The following FAM120A variants were observed in gnomAD, a reference collection of about 807,000 sequenced individuals.
FAM120A encodes family with sequence similarity 120 member A.
FAM120A carries 15 observed loss-of-function variants against 109.7 expected under a neutral mutation model. The ratio of observed to expected loss-of-function variants is 0.14; its 90% CI spans 0.09 to 0.21. The LOEUF (loss-of-function observed/expected upper bound fraction) is 0.21. Among genes scored for constraint, FAM120A ranks in the 10% least tolerant of loss-of-function variants. FAM120A has a pLI of 1.00. For synonymous variants in FAM120A, 493 were observed against 572.8 expected (o/e 0.86, Z 1.99); for missense variants, 899 against 1,439.3 (o/e 0.62, Z 6.07).
chr9:93,452,952 A>AC lies in FAM120A; in HGVS notation c.474+564dup. The AC allele has an allele frequency of 6.5e-6, 9 of 1,387,200 alleles. No individual in the cohort carries two copies. The highest frequency in any genetic ancestry group is 8.4e-6 in the Non-Finnish European group (9 of 1,075,582). The allele number at this position is 1,387,200 out of a possible 1,614,324, so 85.9% of individuals were successfully genotyped here. A position where few individuals can be genotyped will look rare whatever the true frequency, so the allele number is the denominator to read the frequency against. On this transcript the variant is annotated intron_variant, in intron 1 of 17. Coordinates refer to ENST00000277165, the MANE Select transcript of FAM120A (RefSeq NM_014612.5). The surrounding 1 kb of genome is among the most constrained non-coding windows in gnomAD (Gnocchi z 7.0). Reference sequence around the variant, plus strand: ...TCTAAGGGCCAGTGCCCTGGCCTCTACTTCAGAACGCAGTGCCCTGTCCGT... The same window carrying AC: ...TCTAAGGGCCAGTGCCCTGGCCTCTACCTTCAGAACGCAGTGCCCTGTCCGT...
At chr9:93,555,681 G>A (rs1313329155) in intron 12 of FAM120A, among the ~76,000 whole-genome samples, 4 of 152,214 alleles carry the variant, frequency 2.6e-5, no homozygotes, top group African/African-American at 4.8e-5. Flanking sequence ...TCTACGTATA[G>A]AAGGTAGGCA....
At chr9:93,561,646 C>T (rs149970805) in intron 16 of FAM120A, among the ~76,000 whole-genome samples, 2,229 of 152,244 alleles carry the variant, frequency 0.015, 68 homozygotes, top group African/African-American at 0.05. Context: ...CCACCCACCT[C>T]GGCCTTGCAA....
chr9:93,562,342 C>T, intron 17 of FAM120A, 38 bp downstream of exon 17: 8 of 1,500,532 alleles, frequency 5.3e-6, no homozygotes, highest in Non-Finnish European at 7.4e-6. Flanking sequence ...AGTTCAATGC[C>T]CTCAGGGATG....
chr9:93,559,536 G>A (rs1036015794), intron 15 of FAM120A, among the ~76,000 whole-genome samples: 4 of 152,238 alleles, frequency 2.6e-5, no homozygotes, highest in African/African-American at 9.6e-5. Context: ...ATTTGGCGAC[G>A]GGTCAGCCCC....
chr9:93,517,052 G>A (rs2183760), intron 7 of FAM120A, among the ~76,000 whole-genome samples: 42,433 of 152,042 alleles, frequency 0.28, 6,994 homozygotes, highest in East Asian at 0.42. Context: ...AGAGACATAG[G>A]TGTCAGCTTC....
At chr9:93,512,542 T>G (rs1262961770) in intron 5 of FAM120A, among the ~76,000 whole-genome samples, 2 of 152,128 alleles carry the variant, frequency 1.3e-5, no homozygotes, top group African/African-American at 4.8e-5. Context: ...GCATATTTTT[T>G]TTTTTACCGA....
chr9:93,453,582 A>T, intron 1 of FAM120A: 1 of 985,432 alleles, frequency 1.0e-6, no homozygotes, highest in South Asian at 4.7e-5. Flanking sequence ...AGTTAAGCCT[A>T]AAATGATAGC....
At chr9:93,546,741 G>A (rs939047336) in intron 11 of FAM120A, among the ~76,000 whole-genome samples, 3 of 152,224 alleles carry the variant, frequency 2.0e-5, no homozygotes, top group South Asian at 2.1e-4. Context: ...AAATGAATGG[G>A]CACGGCCATG....
intron 10 of FAM120A, among the ~76,000 whole-genome samples, chr9:93,536,341 C>T (rs978681253): frequency 5.3e-5 from 8 of 152,242 alleles, no homozygotes; most frequent in Admixed American, 4.6e-4. Context: ...CAACCCAGCC[C>T]TCTGCATATG....
intron 3 of FAM120A, among the ~76,000 whole-genome samples, chr9:93,479,945 TG>T (rs1281713709): frequency 9.2e-5 from 14 of 152,190 alleles, no homozygotes; most frequent in African/African-American, 3.4e-4. Flanking sequence ...GGAGAACAAC[TG>T]TTAAATCATT....
In FAM120A at chr9:93,532,557, A is replaced by G; in HGVS notation, c.1909+228A>G. 1 of 539,928 alleles carries G rather than the reference A, an allele frequency of 1.9e-6. No individual in the cohort carries two copies. Among genetic ancestry groups the G allele is most frequent in the Non-Finnish European group, 3.3e-6 (1 of 301,112 alleles). 33.4% of individuals were successfully genotyped at this position (539,928 alleles called of 1,614,324 possible). ...TTCCAATAATGATGTTTATTCAGTA[A>G]AATAATAAAACAGGTTTACACTTTA... is the stretch of plus-strand genomic sequence containing the variant. On this transcript the variant is annotated intron_variant, in intron 10 of 17. Coordinates refer to ENST00000277165, the MANE Select transcript of FAM120A (RefSeq NM_014612.5). This position sits in a 1 kb window ranked among gnomAD's most constrained non-coding sequence, Gnocchi z 4.3.
chr9:93,500,538 T>C lies in FAM120A; in HGVS notation c.1030+1652T>C, dbSNP rs1449883235. Among the ~76,000 whole-genome samples, 1 of 152,254 alleles carries C rather than the reference T, an allele frequency of 6.6e-6. No homozygotes were observed. The highest frequency in any genetic ancestry group is 2.4e-5 in the African/African-American group (1 of 41,474). ...CCCCTTCCCCCGTCACTCCCCACAATGTAAAGTCTAGGGTAATGAGGGCCT... is the reference window on the plus strand; with the variant it reads ...CCCCTTCCCCCGTCACTCCCCACAACGTAAAGTCTAGGGTAATGAGGGCCT... On this transcript the variant is annotated intron_variant, in intron 5 of 17. Transcript: ENST00000277165. This position sits in a 1 kb window ranked among gnomAD's most constrained non-coding sequence, Gnocchi z 4.6.
rs1216875727 is a variant in FAM120A at position 93,476,328 on chromosome 9, C to T, written c.794C>T (p.Ala265Val). The T allele has an allele frequency of 1.3e-6, 2 of 1,597,426 alleles. No homozygotes were observed. Residue 265 changes from alanine to valine, a missense_variant, in exon 3 of 18, where the codon GCC (alanine) becomes GTC (valine). Coordinates refer to ENST00000277165, the MANE Select transcript of FAM120A (RefSeq NM_014612.5). ...TTACTTGGTCCAGAACATCCACTAG[C>T]CTCACTAAAGGTACAAATTTCACTT... ...WSLLGPEHPL[A>V]SLKVRAHQLV...
rs1429119970 is a variant in FAM120A, at chr9:93,543,489, G to A, written c.2159+18G>A. On this transcript the variant is annotated intron_variant, in intron 11 of 17. Coordinates refer to ENST00000277165, the MANE Select transcript of FAM120A (RefSeq NM_014612.5). ...GTCTTACGGTGGGTGCCATGCATGG[G>A]AGCTGGGACCTGGGTCCCCGCCAGG... The A allele has an allele frequency of 6.2e-6, 10 of 1,608,464 alleles. No individual in the cohort carries two copies. Among genetic ancestry groups the A allele is most frequent in the Middle Eastern group, 1.7e-4 (1 of 6,032 alleles).
intron 12 of FAM120A, among the ~76,000 whole-genome samples, chr9:93,554,301 C>T (rs888296072): frequency 1.4e-4 from 21 of 152,046 alleles, no homozygotes; most frequent in Admixed American, 5.2e-4. Flanking sequence ...AGCCGTTTGC[C>T]GGGTAAATGG....
intron 10 of FAM120A, among the ~76,000 whole-genome samples, chr9:93,542,246 A>C (rs544709683): frequency 1.3e-5 from 2 of 152,322 alleles, no homozygotes; most frequent in East Asian, 1.9e-4. Context: ...GCAAGGGACA[A>C]CACCAGGCCC....
chr9:93,470,237 G>A lies in FAM120A; in HGVS notation c.475-904G>A, dbSNP rs180685497. Among the ~76,000 whole-genome samples, 8 of 152,320 alleles carry A rather than the reference G, an allele frequency of 5.3e-5. No homozygotes were observed. In the East Asian group the frequency reaches 1.5e-3, roughly 29 times the overall value. The stretch of plus-strand genomic sequence containing the variant: ...TATCCATTGTAGAAACGAAAAACCT[G>A]CCAGAATTTTAGTTGGATTAATGAG... On this transcript the variant is annotated intron_variant, in intron 1 of 17. Coordinates refer to ENST00000277165, the MANE Select transcript of FAM120A (RefSeq NM_014612.5).
rs117842276 is a variant in FAM120A at position 93,481,607 on chromosome 9, G to C, written c.804+5269G>C. On this transcript the variant is annotated intron_variant, in intron 3 of 17. Coordinates refer to ENST00000277165, the MANE Select transcript of FAM120A (RefSeq NM_014612.5). ...GTTTCCATCCATGCCAGTTGTTTGT[G>C]ATGGCCAAGTATTCCCAACCACTGA... 2.0e-4 allele frequency among the ~76,000 whole-genome samples: 30 copies of C among 152,272 alleles called. No homozygotes were observed. In the East Asian group the frequency reaches 5.4e-3, roughly 27 times the overall value.
At chr9:93,542,904 T>TA (rs1415214459) in intron 10 of FAM120A, among the ~76,000 whole-genome samples, 1 of 152,250 alleles carries the variant, frequency 6.6e-6, no homozygotes, top group Non-Finnish European at 1.5e-5. Flanking sequence ...TTTGTAGATA[T>TA]AAAATATTAA....
Sources: allele counts gnomAD v4.1 joint callset (sites outside exome capture counted in the v4.1 genomes callset), GRCh38; gene constraint gnomAD v4.1.1; non-coding constraint Gnocchi (gnomAD v3.1); transcripts MANE v1.5; gene names NCBI Gene and HGNC (gene_info 2026-07-23, HGNC 2026-07-21).